EPB41L4B: variants seen among roughly 807,000 people sequenced by gnomAD.
The protein encoded by EPB41L4B is erythrocyte membrane protein band 4.1 like 4B.
In EPB41L4B, 30 loss-of-function variants were observed where a neutral mutation model predicts 112.5. The observed-to-expected ratio is 0.27, with a 90% CI of 0.20 to 0.36. The LOEUF (loss-of-function observed/expected upper bound fraction) is 0.36. Among genes scored for constraint, EPB41L4B ranks in the 10% least tolerant of loss-of-function variants. The pLI is 1.00. For missense variants in EPB41L4B, 1,024 were observed against 1,133.3 expected, an observed-to-expected ratio of 0.90 and a Z score of 1.38; for synonymous variants, 408 against 439.7, an observed-to-expected ratio of 0.93 and a Z score of 0.90.
rs1302409366 is a variant in EPB41L4B, at chr9:109,179,140, C to T, written c.2488-2444G>A. 2.0e-5 allele frequency among the ~76,000 whole-genome samples: 3 copies of T among 152,154 alleles called. No individual in the cohort carries two copies. The East Asian group carries it at 5.8e-4, about 29-fold the overall frequency. ...GGCCAGAGCCAGGCAGGGCTCCCCA[C>T]CCTAGATGGACCAACATACTCGGCT... On this transcript the variant is annotated intron_variant, in intron 24 of 25. Transcript: ENST00000374566.
chr9:109,231,654 T>A lies in EPB41L4B; in HGVS notation c.1409+11964A>T, dbSNP rs62576378. On this transcript the variant is annotated intron_variant, in intron 15 of 25. Coordinates refer to ENST00000374566, the MANE Select transcript of EPB41L4B (RefSeq NM_019114.5). ...GTCCTGTGTGAGGTAGGACAGGATATGTGCTTCCATCTCTGAGTCTGGAAT... is the reference window on the plus strand; with the variant it reads ...GTCCTGTGTGAGGTAGGACAGGATAAGTGCTTCCATCTCTGAGTCTGGAAT... 6.4e-3 allele frequency among the ~76,000 whole-genome samples: 973 copies of A among 152,332 alleles called. 3 individuals are homozygous for A. The highest frequency in any genetic ancestry group is 8.3e-3 in the Admixed American group (127 of 15,306).
chr9:109,297,936 C>T (rs1017166326), intron 1 of EPB41L4B, among the ~76,000 whole-genome samples: 1 of 152,170 alleles, frequency 6.6e-6, no homozygotes, highest in East Asian at 1.9e-4. Flanking sequence ...GTGAGCTTGG[C>T]TGTTAGGGTC....
intron 21 of EPB41L4B, 143 bp downstream of exon 21, chr9:109,194,077 T>G (rs548584781): frequency 2.4e-6 from 2 of 846,714 alleles, no homozygotes; most frequent in Admixed American, 2.8e-5. Flanking sequence ...TATAAAAACA[T>G]GTTCTGGTTG....
intron 15 of EPB41L4B, among the ~76,000 whole-genome samples, chr9:109,227,487 T>A (rs1008364274): frequency 2.0e-5 from 3 of 152,220 alleles, no homozygotes; most frequent in Non-Finnish European, 4.4e-5. Flanking sequence ...TTAGAATTTT[T>A]AAACTTTTTC....
At chr9:109,302,124 TAG>T (rs1377565689) in intron 1 of EPB41L4B, among the ~76,000 whole-genome samples, 1 of 152,178 alleles carries the variant, frequency 6.6e-6, no homozygotes, top group Non-Finnish European at 1.5e-5. Flanking sequence ...GTAAAAACCA[TAG>T]AGTTCTCTGC....
intron 14 of EPB41L4B, among the ~76,000 whole-genome samples, chr9:109,244,816 A>G (rs533638325): frequency 1.3e-5 from 2 of 152,268 alleles, no homozygotes; most frequent in African/African-American, 4.8e-5. Context: ...TTAAGTCACT[A>G]CAGTCTTGCC....
intron 19 of EPB41L4B, among the ~76,000 whole-genome samples, chr9:109,201,449 C>CA (rs563680101): frequency 0.15 from 9,099 of 59,060 alleles, 464 homozygotes; most frequent in East Asian, 0.21. Context: ...GACCCTGTCT[C>CA]AAAAAAAAAA....
At chr9:109,281,223 T>A (rs1443815096) in intron 1 of EPB41L4B, among the ~76,000 whole-genome samples, 1 of 151,492 alleles carries the variant, frequency 6.6e-6, no homozygotes, top group African/African-American at 2.4e-5. Context: ...TATAAAGAAC[T>A]ATTACAGCTC....
At chr9:109,281,626 A>T (rs1836044853) in intron 1 of EPB41L4B, among the ~76,000 whole-genome samples, 1 of 152,132 alleles carries the variant, frequency 6.6e-6, no homozygotes, top group African/African-American at 2.4e-5. Context: ...TGGAAGTTGC[A>T]GCGAGCCGAG....
chr9:109,194,243 C>T lies in EPB41L4B; in HGVS notation c.2200G>A (p.Gly734Ser). The T allele has an allele frequency of 3.1e-6, 5 of 1,614,216 alleles. No individual in the cohort carries two copies. The highest frequency in any genetic ancestry group is 4.2e-6 in the Non-Finnish European group (5 of 1,180,028). Reference protein sequence around the residue: ...VSSPHKSEGKGLLSPGAKSPS... With the variant: ...VSSPHKSEGKSLLSPGAKSPS... ...ACCTTGGCCCCAGGGGACAGCAGGCCTTTGCCTTCTGACTTGTGAGGCGAG... is the reference window on the plus strand; with the variant it reads ...ACCTTGGCCCCAGGGGACAGCAGGCTTTTGCCTTCTGACTTGTGAGGCGAG... Residue 734 changes from glycine to serine, a missense_variant, in exon 21 of 26, where the codon GGC becomes AGC. Transcript: ENST00000374566.
chr9:109,281,799 T>C (rs995854988), intron 1 of EPB41L4B, among the ~76,000 whole-genome samples: 4 of 152,164 alleles, frequency 2.6e-5, no homozygotes, highest in Admixed American at 2.6e-4. Context: ...CTGATGGGAA[T>C]GTAAAACTGT....
At chr9:109,246,437 C>T (rs914739505) in intron 14 of EPB41L4B, among the ~76,000 whole-genome samples, 5 of 152,108 alleles carry the variant, frequency 3.3e-5, no homozygotes, top group South Asian at 2.1e-4. Context: ...TGGGATTACA[C>T]GCATGAGCCA....
intron 1 of EPB41L4B, among the ~76,000 whole-genome samples, chr9:109,319,719 G>A (rs1285030166): frequency 2.0e-5 from 3 of 152,196 alleles, no homozygotes; most frequent in East Asian, 1.9e-4. Context: ...ACCCCAGGAC[G>A]GCCTCACATT....
rs368381956 is a variant in EPB41L4B at position 109,258,281 on chromosome 9, G to A, written c.648C>T (p.Cys216=). The A allele has an allele frequency of 5.8e-5, 94 of 1,613,214 alleles. No homozygotes were observed. The highest frequency in any genetic ancestry group is 8.3e-5 in the Admixed American group (5 of 59,958). The change falls in exon 7 of 26, where the codon TGC becomes TGT. Residue 216 remains cysteine, a synonymous_variant. Coordinates refer to ENST00000374566, the MANE Select transcript of EPB41L4B (RefSeq NM_019114.5). ...ALCLQAELGE[C]ELPEHTPELV... ...GCTCTGGTGTGTGTTCTGGAAGCTC[G>A]CACTCCCCAAGCTCCGCTGTAAGTT...
intron 19 of EPB41L4B, among the ~76,000 whole-genome samples, chr9:109,200,705 T>C (rs1385760678): frequency 1.3e-5 from 2 of 152,172 alleles, no homozygotes; most frequent in East Asian, 1.9e-4. Context: ...GAGAAACCTA[T>C]GGATAACCTG....
intron 4 of EPB41L4B, among the ~76,000 whole-genome samples, chr9:109,266,175 G>A (rs971820601): frequency 8.5e-5 from 13 of 152,274 alleles, no homozygotes; most frequent in African/African-American, 3.1e-4. Flanking sequence ...AGCCTAGCAG[G>A]AGCCTGGGTA....
At chr9:109,182,843 C>T (rs1832116904) in intron 23 of EPB41L4B, 46 bp from the exon 24 acceptor site, 2 of 1,384,662 alleles carry the variant, frequency 1.4e-6, no homozygotes, top group South Asian at 1.2e-5. Context: ...GATTAGAAAA[C>T]AAAGTTTTGC....
chr9:109,182,932 G>T, intron 23 of EPB41L4B, 135 bp from the exon 24 acceptor site: 1 of 659,838 alleles, frequency 1.5e-6, no homozygotes, highest in Non-Finnish European at 2.7e-6. Context: ...CTCGTGTAAG[G>T]GCACATACAA....
chr9:109,288,093 G>A (rs925181581), intron 1 of EPB41L4B, among the ~76,000 whole-genome samples: 1 of 152,230 alleles, frequency 6.6e-6, no homozygotes, highest in Non-Finnish European at 1.5e-5. Context: ...ACTAAGAAGT[G>A]GGGCCTTCAG....
Sources: allele counts gnomAD v4.1 joint callset (sites outside exome capture counted in the v4.1 genomes callset), GRCh38; gene constraint gnomAD v4.1.1; transcripts MANE v1.5; gene names NCBI Gene and HGNC (gene_info 2026-07-23, HGNC 2026-07-21).